GAK: variants seen among roughly 807,000 people sequenced by gnomAD.
The protein encoded by GAK is cyclin G associated kinase, also known as cyclin-G-associated kinase.
GAK carries 79 observed loss-of-function variants against 143.9 expected under a neutral mutation model. That is an observed-to-expected ratio of 0.55 (90% confidence interval 0.46 to 0.66). The LOEUF is 0.66. Ranked by LOEUF, GAK falls within the 30% of genes least tolerant of loss-of-function variation. The probability of loss-of-function intolerance (pLI) is 0.00; values close to 1 mark genes in which losing one functional copy is unlikely to be tolerated. For missense variants in GAK, 1,693 were observed against 1,779.7 expected, an observed-to-expected ratio of 0.95 and a Z score of 0.88; for synonymous variants, 881 against 765.5, an observed-to-expected ratio of 1.15 and a Z score of -2.49.
intron 24 of GAK, among the ~76,000 whole-genome samples, chr4:858,300 G>A (rs1236278778): frequency 2.6e-5 from 4 of 152,146 alleles, no homozygotes; most frequent in African/African-American, 4.8e-5. Context: ...CAGTTGTATC[G>A]GCTTTGCTCT....
chr4:867,761 C>G (rs1025258810), intron 20 of GAK, among the ~76,000 whole-genome samples: 6 of 152,204 alleles, frequency 3.9e-5, no homozygotes, highest in African/African-American at 1.4e-4. Context: ...CACCAATGTC[C>G]CCATGGCACG....
At chr4:859,509 C>G in intron 24 of GAK, 97 bp downstream of exon 24, 4 of 1,597,868 alleles carry the variant, frequency 2.5e-6, no homozygotes, top group Non-Finnish European at 3.4e-6. Context: ...TGAACAGAGG[C>G]AAAGACTTCA....
In GAK at chr4:912,915, C is replaced by G. The variant is rs891967216; in HGVS notation, c.208-121G>C. ...ATGCAATGTGTCTAATACAGCTCCC[C>G]CCGTTTCGTGTGTCTCCACCTCTGA... is the stretch of plus-strand genomic sequence containing the variant. On this transcript the variant is annotated intron_variant, in intron 2 of 27. Transcript: ENST00000314167. The G allele has an allele frequency of 1.9e-5, 13 of 694,882 alleles. No individual in the cohort carries two copies. In the African/African-American group the frequency reaches 2.0e-4, roughly 11 times the overall value. The allele number at this position is 694,882 out of a possible 1,614,324, so 43.0% of individuals were successfully genotyped here. A position where few individuals can be genotyped will look rare whatever the true frequency, so the allele number is the denominator to read the frequency against.
intron 1 of GAK, among the ~76,000 whole-genome samples, chr4:916,658 C>T (rs1252486660): frequency 1.3e-5 from 2 of 152,174 alleles, no homozygotes; most frequent in Non-Finnish European, 2.9e-5. Context: ...GACCCCATAC[C>T]TAGCAGAATA....
At chr4:875,386 A>G (rs11734537) in intron 18 of GAK, among the ~76,000 whole-genome samples, 12,900 of 152,234 alleles carry the variant, frequency 0.085, 757 homozygotes, top group South Asian at 0.18. Context: ...ACAAGAAGAC[A>G]CCCCGGTCTC....
At chr4:854,995 G>C (rs956246949) in intron 24 of GAK, among the ~76,000 whole-genome samples, 1 of 152,244 alleles carries the variant, frequency 6.6e-6, no homozygotes, top group African/African-American at 2.4e-5. Flanking sequence ...AGTGAGCCGA[G>C]ATCAGGCCAC....
chr4:850,761 C>G, intron 26 of GAK, 175 bp downstream of exon 26: 1 of 604,502 alleles, frequency 1.7e-6, no homozygotes, highest in African/African-American at 1.9e-5. Context: ...GGCTGCCAGG[C>G]CCATCGGCAG....
intron 5 of GAK, among the ~76,000 whole-genome samples, chr4:899,439 G>A (rs1016216052): frequency 1.3e-5 from 2 of 151,880 alleles, no homozygotes; most frequent in Non-Finnish European, 2.9e-5. Flanking sequence ...AGGCAGCACA[G>A]GGCTCCGAGA....
intron 22 of GAK, 50 bp from the exon 23 acceptor site, chr4:865,294 G>A (rs1458653129): frequency 1.2e-6 from 2 of 1,609,802 alleles, no homozygotes; most frequent in Non-Finnish European, 8.5e-7. Context: ...TCAGCAGCAG[G>A]CAAATGTGGC....
At position 851,842 on chromosome 4, in the gene GAK, G is replaced by C. The variant is rs151123471; in HGVS notation, c.3416C>G (p.Pro1139Arg). 1,384 of 1,609,538 alleles carry C rather than the reference G, an allele frequency of 8.6e-4. 10 individuals carry two copies. In the African/African-American group the frequency reaches 0.015, roughly 17 times the overall value. Residue 1139 changes from proline to arginine, a missense_variant, in exon 25 of 28, where the codon CCC (proline) becomes CGC (arginine). Transcript: ENST00000314167. ...ASWPPQAKPP[P>R]KACTQPRPNY... ...AGGCCTTGGCTGTGTGCAGGCTTTG[G>C]GGGGCGGCTTGGCCTGAGGGGGCCA...
intron 1 of GAK, among the ~76,000 whole-genome samples, chr4:930,143 G>A (rs909824363): frequency 6.6e-6 from 1 of 152,124 alleles, no homozygotes; most frequent in African/African-American, 2.4e-5. Context: ...CATAGCCTAT[G>A]TTCTAAGGTT....
At position 903,916 on chromosome 4, in the gene GAK, C is replaced by T. The variant is rs567991024; in HGVS notation, c.525+721G>A. Among the ~76,000 whole-genome samples, 11 of 152,362 alleles carry T rather than the reference C, an allele frequency of 7.2e-5. No individual in the cohort carries two copies. In the East Asian group the frequency reaches 1.5e-3, roughly 21 times the overall value. ...CCCCAGCAGGGAGGCGGGGCCATCC[C>T]GGGATCTCTGTCGGCAAAGGCCTGT... On this transcript the variant is annotated intron_variant, in intron 5 of 27. Coordinates refer to ENST00000314167, the MANE Select transcript of GAK (RefSeq NM_005255.4).
chr4:898,454 C>T (rs940497122), intron 5 of GAK, among the ~76,000 whole-genome samples: 3 of 152,232 alleles, frequency 2.0e-5, no homozygotes, highest in Non-Finnish European at 4.4e-5. Context: ...AATGAGCCTT[C>T]CTCAAAGATG....
intron 7 of GAK, among the ~76,000 whole-genome samples, chr4:895,525 G>A (rs948188929): frequency 6.6e-6 from 1 of 152,166 alleles, no homozygotes; most frequent in Non-Finnish European, 1.5e-5. Context: ...CCCACATACT[G>A]TCTCAGCCTG....
At chr4:926,734 G>A (rs1016155970) in intron 1 of GAK, among the ~76,000 whole-genome samples, 5 of 152,116 alleles carry the variant, frequency 3.3e-5, no homozygotes, top group Admixed American at 1.3e-4. Flanking sequence ...CCGCCAGGGG[G>A]CAGCTACTCT....
intron 4 of GAK, among the ~76,000 whole-genome samples, chr4:909,955 C>T (rs899303390): frequency 6.6e-6 from 1 of 151,904 alleles, no homozygotes; most frequent in Non-Finnish European, 1.5e-5. Context: ...CGAGACTTCT[C>T]GGCCACGTCA....
At chr4:892,836 C>T (rs901108134) in intron 9 of GAK, among the ~76,000 whole-genome samples, 2 of 152,222 alleles carry the variant, frequency 1.3e-5, no homozygotes, top group Non-Finnish European at 2.9e-5. Flanking sequence ...TAGAAAGGCG[C>T]CTGCAAACCT....
intron 11 of GAK, among the ~76,000 whole-genome samples, chr4:885,407 C>T (rs1295978815): frequency 6.6e-6 from 1 of 152,232 alleles, no homozygotes; most frequent in Non-Finnish European, 1.5e-5. Context: ...GAAACCCCCA[C>T]TGCTCCTGTA....
chr4:900,780 C>A (rs766361174), intron 5 of GAK, among the ~76,000 whole-genome samples: 7 of 151,958 alleles, frequency 4.6e-5, no homozygotes, highest in Non-Finnish European at 1.0e-4. Flanking sequence ...GCAGAATGTA[C>A]TTTTAGAAAA....
Sources: gnomAD v4.1 joint callset for allele counts (sites outside exome capture counted in the v4.1 genomes callset) on GRCh38, gnomAD v4.1.1 for gene constraint, MANE v1.5 for transcripts, NCBI Gene and HGNC (gene_info 2026-07-23, HGNC 2026-07-21) for gene names.